ITGA4: variants seen among roughly 807,000 people sequenced by gnomAD.
ITGA4 encodes the protein integrin subunit alpha 4, also known as integrin alpha-4.
In ITGA4, 63 loss-of-function variants were observed where a neutral mutation model predicts 133.6. The observed-to-expected ratio is 0.47, with a 90% CI of 0.38 to 0.58. The LOEUF is 0.58. ITGA4 is among the 20% of genes least tolerant of loss of function. The pLI is 0.00. For missense variants in ITGA4, 1,076 were observed against 1,252.7 expected (o/e 0.86, Z 2.13); for synonymous variants, 483 against 438.0 (o/e 1.10, Z -1.28).
rs1382765228 is a variant in ITGA4, at chr2:181,511,708, G to A, written c.1855G>A (p.Ala619Thr). 2.5e-6 allele frequency: 4 copies of A among 1,579,300 alleles called. No homozygotes were observed. The highest frequency in any genetic ancestry group is 1.7e-5 in the Admixed American group (1 of 59,200). ...KDIMKKTINF[A>T]RFCAHENCSA... ...GTCTTTTTATTTCCAGATAAACTTT[G>A]CAAGGTTTTGTGCCCATGAAAATTG... The change falls in exon 17 of 28, where the codon GCA becomes ACA. Residue 619 changes from alanine (A) to threonine (T), a missense_variant. Ala to Thr is a moderately conservative substitution (Grantham distance 58, BLOSUM62 0). This residue lies in a region of ITGA4 where 365 missense variants were observed against 421.4 expected (regional missense o/e 0.87). Transcript: ENST00000397033.
At chr2:181,521,813 A>G (rs895660398) in intron 17 of ITGA4, among the ~76,000 whole-genome samples, 7 of 152,198 alleles carry the variant, frequency 4.6e-5, no homozygotes, top group Non-Finnish European at 1.0e-4. Flanking sequence ...AGCTAGTTCA[A>G]TGTCTATTTT....
At chr2:181,532,099 G>A (rs1322852001) in intron 25 of ITGA4, among the ~76,000 whole-genome samples, 2 of 152,150 alleles carry the variant, frequency 1.3e-5, no homozygotes, top group East Asian at 3.9e-4. Flanking sequence ...CTAGGTAGAT[G>A]TCTGGTGTTA....
At chr2:181,488,413 G>T (rs953897450) in intron 10 of ITGA4, among the ~76,000 whole-genome samples, 2 of 151,986 alleles carry the variant, frequency 1.3e-5, no homozygotes, top group Non-Finnish European at 2.9e-5. Flanking sequence ...TTATGCAAAT[G>T]ATTTTTTAAA....
intron 16 of ITGA4, 109 bp downstream of exon 16, chr2:181,509,916 G>A (rs779493992): frequency 2.9e-5 from 22 of 769,128 alleles, no homozygotes; most frequent in Admixed American, 8.6e-5. Flanking sequence ...TTAAAAATAC[G>A]AATTTTTAAA....
At chr2:181,513,140 G>A (rs1686538096) in intron 17 of ITGA4, among the ~76,000 whole-genome samples, 1 of 151,724 alleles carries the variant, frequency 6.6e-6, no homozygotes, top group African/African-American at 2.4e-5. Context: ...TGGATCTTTG[G>A]GTTTGGCACC....
intron 15 of ITGA4, among the ~76,000 whole-genome samples, chr2:181,500,628 G>C (rs1363799278): frequency 2.0e-5 from 3 of 152,090 alleles, no homozygotes; most frequent in Admixed American, 6.6e-5. Context: ...TCCTTACAAT[G>C]AAATGAAGTG....
intron 15 of ITGA4, among the ~76,000 whole-genome samples, chr2:181,501,814 T>A (rs55890022): frequency 0.1 from 15,947 of 152,136 alleles, 1,061 homozygotes; most frequent in East Asian, 0.22. Flanking sequence ...CCTGCTTAGC[T>A]AGAGAGACCT....
rs192860220 is a variant in ITGA4 at position 181,509,615 on chromosome 2, C to T, written c.1696-43C>T. ...AGGAGTTTTATTTTTTTTTAATCTACGTGCTTGTTTTTGTTAATTCATATG... is the reference window on the plus strand; with the variant it reads ...AGGAGTTTTATTTTTTTTTAATCTATGTGCTTGTTTTTGTTAATTCATATG... On this transcript the variant is annotated intron_variant, in intron 15 of 27. Transcript: ENST00000397033. 610 of 1,479,870 alleles carry T rather than the reference C, an allele frequency of 4.1e-4. 2 individuals carry two copies. Among genetic ancestry groups the T allele is most frequent in the Admixed American group, 1.8e-3 (76 of 42,604 alleles). The allele number at this position is 1,479,870 out of a possible 1,614,324, so 91.7% of individuals were successfully genotyped here.
In ITGA4 at chr2:181,457,688, C is replaced by G. The variant is rs777350969; in HGVS notation, c.34C>G (p.Arg12Gly). ...AWEARREPGP[R>G]RAAVRETVML... Reference sequence around the variant, plus strand: ...GGAAGCGAGGCGCGAACCCGGCCCCCGAAGGGCCGCCGTCCGGGAGACGGT... The same window carrying G: ...GGAAGCGAGGCGCGAACCCGGCCCCGGAAGGGCCGCCGTCCGGGAGACGGT... The change falls in exon 1 of 28, where the codon CGA becomes GGA. Residue 12 changes from arginine to glycine, a missense_variant. Around this residue, in one of 4 missense-constraint regions of ITGA4, gnomAD observed 82 missense variants for 68.3 expected, o/e 1.20. Transcript: ENST00000397033. 2 of 1,611,560 alleles carry G rather than the reference C, an allele frequency of 1.2e-6. No homozygotes were observed. The highest frequency in any genetic ancestry group is 2.2e-5 in the South Asian group (2 of 90,796).
intron 2 of ITGA4, among the ~76,000 whole-genome samples, chr2:181,463,580 T>A (rs1272159063): frequency 6.6e-6 from 1 of 152,138 alleles, no homozygotes; most frequent in Non-Finnish European, 1.5e-5. Flanking sequence ...AAGATGTTAC[T>A]GAAGTTTCTA....
chr2:181,489,397 A>T (rs1412346146), intron 10 of ITGA4, among the ~76,000 whole-genome samples: 1 of 151,008 alleles, frequency 6.6e-6, no homozygotes, highest in Non-Finnish European at 1.5e-5. Flanking sequence ...GCATGAAAAA[A>T]TCGGTCAGAC....
In ITGA4 at chr2:181,475,821, T is replaced by A. The variant is rs779889171; in HGVS notation, c.556+533T>A. ...TCTCATGGTAACTCTATGCTATAGG[T>A]AGCATCAGCAAGTACAGAGCTAGGA... On this transcript the variant is annotated intron_variant, in intron 4 of 27. Transcript: ENST00000397033. 4 of 1,601,464 alleles carry A rather than the reference T, an allele frequency of 2.5e-6. 1 individual carries two copies. In the South Asian group the frequency reaches 3.4e-5, roughly 14 times the overall value.
chr2:181,534,553 A>T (rs566717105), intron 26 of ITGA4, among the ~76,000 whole-genome samples, 183 bp downstream of exon 26: 23 of 152,234 alleles, frequency 1.5e-4, no homozygotes, highest in African/African-American at 5.5e-4. Flanking sequence ...ACAATACAGC[A>T]GTTCTTTCAG....
chr2:181,503,110 A>G (rs934636658), intron 15 of ITGA4, among the ~76,000 whole-genome samples: 2 of 152,104 alleles, frequency 1.3e-5, no homozygotes, highest in Non-Finnish European at 2.9e-5. Context: ...ATATTATAAA[A>G]TACAAAAGCC....
chr2:181,534,787 T>TGAG (rs2105775228), intron 26 of ITGA4, 29 bp from the exon 27 acceptor site: 5 of 1,555,720 alleles, frequency 3.2e-6, no homozygotes, highest in Non-Finnish European at 2.6e-6. Context: ...TTTTTGGTTT[T>TGAG]TGAGTTTTAT....
intron 17 of ITGA4, among the ~76,000 whole-genome samples, chr2:181,517,365 A>G (rs116651786): frequency 6.6e-6 from 1 of 152,158 alleles, no homozygotes; most frequent in African/African-American, 2.4e-5. Context: ...AAATAAAGCT[A>G]TATTATTCAC....
intron 10 of ITGA4, among the ~76,000 whole-genome samples, chr2:181,488,930 A>G (rs1685983223): frequency 6.6e-6 from 1 of 152,188 alleles, no homozygotes; most frequent in Non-Finnish European, 1.5e-5. Flanking sequence ...TAGCAAGACC[A>G]TTGCTGATGT....
chr2:181,476,649 G>T (rs1439277093), intron 4 of ITGA4, among the ~76,000 whole-genome samples: 1 of 152,024 alleles, frequency 6.6e-6, no homozygotes, highest in East Asian at 1.9e-4. Flanking sequence ...TTTCAGTTGG[G>T]CAAAATCTAA....
intron 14 of ITGA4, among the ~76,000 whole-genome samples, chr2:181,496,475 A>C (rs1686161403): frequency 6.6e-6 from 1 of 152,070 alleles, no homozygotes; most frequent in Non-Finnish European, 1.5e-5. Flanking sequence ...AAGAAGCTAG[A>C]CTTGATTCTG....
Sources: allele counts gnomAD v4.1 joint callset (sites outside exome capture counted in the v4.1 genomes callset), GRCh38; gene constraint gnomAD v4.1.1; regional missense constraint gnomAD v4.1.1; transcripts MANE v1.5; gene names NCBI Gene and HGNC (gene_info 2026-07-23, HGNC 2026-07-21).